CFAP47: variants seen among roughly 807,000 people sequenced by gnomAD.
CFAP47 encodes cilia and flagella associated protein 47.
Under a neutral mutation model 148.1 loss-of-function variants are expected in CFAP47, and 29 were observed. The ratio of observed to expected loss-of-function variants is 0.20; its 90% CI spans 0.15 to 0.27. CFAP47 has a LOEUF of 0.27. CFAP47 is among the 10% of genes least tolerant of loss of function. CFAP47 has a pLI of 1.00. For missense variants in CFAP47, 1,872 were observed against 1,697.5 expected (o/e 1.10, Z -1.81); for synonymous variants, 664 against 577.3 (o/e 1.15, Z -2.15).
intron 2 of CFAP47, among the ~76,000 whole-genome samples, chrX:35,932,579 C>T (rs1935847575): frequency 9.1e-6 from 1 of 109,960 alleles, no homozygotes; most frequent in South Asian, 3.9e-4. Flanking sequence ...TCTGATACTC[C>T]AAGATTCTCT....
rs190575221 is a variant in CFAP47 at position 36,137,941 on chromosome X, C to T, written c.5321-17C>T. ...TAAAACTATTGTTGTATTTACTCTC[C>T]CTCTTTTTTGAAACAGATGTTATCC... On this transcript the variant is annotated splice_polypyrimidine_tract_variant and intron_variant, in intron 33 of 63. Transcript: ENST00000378653. 2.5e-3 allele frequency: 1,465 copies of T among 580,206 alleles called. 23 individuals are homozygous for T. In the Admixed American group the frequency reaches 0.035, roughly 14 times the overall value. 47.8% of individuals were successfully genotyped at this position (580,206 alleles called of 1,213,427 possible).
chrX:36,064,343 T>C (rs746831672), intron 26 of CFAP47, among the ~76,000 whole-genome samples: 4 of 111,837 alleles, frequency 3.6e-5, no homozygotes, highest in Non-Finnish European at 5.6e-5. Flanking sequence ...TTAGGATCCA[T>C]AGCAAAGAAA....
At chrX:36,118,484 T>A (rs978501025) in intron 33 of CFAP47, among the ~76,000 whole-genome samples, 2 of 111,067 alleles carry the variant, frequency 1.8e-5, no homozygotes, top group African/African-American at 6.6e-5. Flanking sequence ...TTATTTATTT[T>A]TTTGAGATGG....
chrX:36,141,595 T>C (rs998963573), intron 35 of CFAP47, among the ~76,000 whole-genome samples: 14 of 111,757 alleles, frequency 1.3e-4, no homozygotes, highest in Non-Finnish European at 3.8e-5. Flanking sequence ...TCCAGTCAAA[T>C]TGACACCTAA....
chrX:36,342,354 A>C (rs1029704501), intron 57 of CFAP47, among the ~76,000 whole-genome samples: 2 of 112,188 alleles, frequency 1.8e-5, no homozygotes, highest in African/African-American at 6.5e-5. Flanking sequence ...GATGGCATTT[A>C]AAATACCGTT....
At chrX:36,029,222 G>T (rs1438302175) in intron 22 of CFAP47, among the ~76,000 whole-genome samples, 1 of 110,877 alleles carries the variant, frequency 9.0e-6, no homozygotes, top group Non-Finnish European at 1.9e-5. Context: ...TGTCATATTA[G>T]TTGTAATGTA....
At chrX:36,336,214 G>GTCTC (rs1157557147) in intron 57 of CFAP47, among the ~76,000 whole-genome samples, 1 of 73,236 alleles carries the variant, frequency 1.4e-5, no homozygotes, top group Non-Finnish European at 2.7e-5. Flanking sequence ...CTGTCTCTCT[G>GTCTC]TCTCTCTCTC....
intron 55 of CFAP47, among the ~76,000 whole-genome samples, chrX:36,307,837 A>G (rs1329320588): frequency 4.5e-5 from 5 of 111,176 alleles, no homozygotes; most frequent in Non-Finnish European, 7.6e-5. Flanking sequence ...TAACTTGTCT[A>G]AATATGGTAA....
intron 45 of CFAP47, among the ~76,000 whole-genome samples, chrX:36,205,835 A>G (rs1940033012): frequency 8.9e-6 from 1 of 112,274 alleles, no homozygotes; most frequent in Non-Finnish European, 1.9e-5. Context: ...AGAATGTTCC[A>G]CAATTCCAGT....
intron 62 of CFAP47, among the ~76,000 whole-genome samples, chrX:36,372,083 G>T (rs1298001048): frequency 9.4e-6 from 1 of 106,396 alleles, no homozygotes; most frequent in African/African-American, 3.4e-5. Context: ...TATAATTTAA[G>T]AAGTCTTTAG....
At chrX:36,076,740 A>G (rs1324059083) in intron 29 of CFAP47, among the ~76,000 whole-genome samples, 1 of 111,433 alleles carries the variant, frequency 9.0e-6, no homozygotes, top group Non-Finnish European at 1.9e-5. Flanking sequence ...CCTTTAGTTT[A>G]ACTGGTCCCA....
intron 40 of CFAP47, among the ~76,000 whole-genome samples, chrX:36,183,858 G>A (rs902936020): frequency 1.8e-5 from 2 of 111,502 alleles, no homozygotes; most frequent in African/African-American, 6.5e-5. Context: ...ATTAATGAAT[G>A]GAACAGCTGG....
chrX:36,217,307 C>T (rs995474175), intron 45 of CFAP47, among the ~76,000 whole-genome samples: 4 of 111,709 alleles, frequency 3.6e-5, no homozygotes, highest in Admixed American at 9.5e-5. Context: ...TCCCTGGGTA[C>T]TGGTACACTC....
intron 57 of CFAP47, among the ~76,000 whole-genome samples, chrX:36,347,265 A>T (rs1489895338): frequency 8.9e-6 from 1 of 112,053 alleles, no homozygotes; most frequent in East Asian, 2.8e-4. Context: ...AATGGCAATC[A>T]TTAAAAAGTC....
chrX:36,048,384 T>C (rs1235749611), intron 26 of CFAP47, among the ~76,000 whole-genome samples: 3 of 111,440 alleles, frequency 2.7e-5, no homozygotes, highest in Non-Finnish European at 5.6e-5. Flanking sequence ...TTGCATCTGG[T>C]TTGTTCATAT....
intron 49 of CFAP47, among the ~76,000 whole-genome samples, chrX:36,251,669 G>C (rs868979147): frequency 9.0e-6 from 1 of 110,930 alleles, no homozygotes; most frequent in African/African-American, 3.3e-5. Flanking sequence ...AAATTTATTT[G>C]TGGAACAAAT....
intron 33 of CFAP47, among the ~76,000 whole-genome samples, chrX:36,119,790 T>TTATATGTA (rs1323783044): frequency 9.0e-6 from 1 of 111,242 alleles, no homozygotes; most frequent in Non-Finnish European, 1.9e-5. Flanking sequence ...AGTTGGTAGG[T>TTATATGTA]TATATGTGTC....
chrX:36,006,980 G>A (rs1601928052), intron 21 of CFAP47, among the ~76,000 whole-genome samples: 1 of 111,830 alleles, frequency 8.9e-6, no homozygotes. Context: ...TTTTCTTCAT[G>A]ACAGAGTTTC....
At chrX:36,234,516 T>C (rs1236860890) in intron 46 of CFAP47, among the ~76,000 whole-genome samples, 2 of 111,714 alleles carry the variant, frequency 1.8e-5, no homozygotes, top group East Asian at 2.8e-4. Flanking sequence ...TTACATTCGT[T>C]TAAATTTTTT....
Sources: gnomAD v4.1 joint callset for allele counts (sites outside exome capture counted in the v4.1 genomes callset) on GRCh38, gnomAD v4.1.1 for gene constraint, MANE v1.5 for transcripts, NCBI Gene and HGNC (gene_info 2026-07-23, HGNC 2026-07-21) for gene names.